Variants in MFGE8 observed in about 807,000 individuals in gnomAD.
The protein encoded by MFGE8 is lactadherin.
In MFGE8, 34 loss-of-function variants were observed where a neutral mutation model predicts 42.6. The ratio of observed to expected loss-of-function variants is 0.80; its 90% CI spans 0.61 to 1.06. MFGE8 has a LOEUF of 1.06. Ranked by LOEUF, MFGE8 falls within the 50% of genes least tolerant of loss-of-function variation. The pLI is 0.00. For synonymous variants in MFGE8, 230 were observed against 214.8 expected, an observed-to-expected ratio of 1.07 and a Z score of -0.62; for missense variants, 510 against 516.9, an observed-to-expected ratio of 0.99 and a Z score of 0.13.
rs1291867894 is a variant in MFGE8, at chr15:88,907,381, G to A, written c.206-5C>T. The A allele has an allele frequency of 2.5e-6, 4 of 1,613,990 alleles. No homozygotes were observed. The highest frequency in any genetic ancestry group is 3.4e-6 in the Non-Finnish European group (4 of 1,179,990). On this transcript the variant is annotated splice_polypyrimidine_tract_variant and splice_region_variant and intron_variant, in intron 2 of 7. Transcript: ENST00000268150. ...GGCCCAGTGGCTCGACACATTCTGA[G>A]GGAAGGGAGGTGGCAGTCAGGTGGC...
Position 88,903,786 on chromosome 15 carries a change from G to A in MFGE8, c.685+1971C>T, listed in dbSNP as rs35729705. On this transcript the variant is annotated intron_variant, in intron 5 of 7. Transcript: ENST00000268150. The surrounding 1 kb of genome is among the most constrained non-coding windows in gnomAD (Gnocchi z 4.9). ...ATTACAGGCGTGAGCCACCGCACCCGGCCTCAGTCTGCATTTCTAAGAAGC... is the reference window on the plus strand; with the variant it reads ...ATTACAGGCGTGAGCCACCGCACCCAGCCTCAGTCTGCATTTCTAAGAAGC... 0.23 allele frequency: 35,013 copies of A among 152,200 alleles called. 4,337 individuals are homozygous for A. The highest frequency in any genetic ancestry group is 0.28 in the Non-Finnish European group (18,810 of 68,064). The allele number at this position is 152,200 out of a possible 1,614,324, so 9.4% of individuals were successfully genotyped here.
chr15:88,912,537 C>G (rs34239095), intron 1 of MFGE8: 264,614 of 985,220 alleles, frequency 0.27, 36,885 homozygotes, highest in South Asian at 0.33. Context: ...GGGGCATCCG[C>G]AAGTCCAGCC....
In MFGE8 at chr15:88,901,689, C is replaced by A; in HGVS notation, c.732G>T (p.Lys244Asn). ...TGTAGCTGCTGGAGGCCGTGATCTG[C>A]TTGTCAGGGATGCTGTTATTCTTCA... is the stretch of plus-strand genomic sequence containing the variant. ...LGLKNNSIPD[K>N]QITASSSYKT... The change falls in exon 6 of 8, where the codon AAG becomes AAT. Residue 244 changes from lysine to asparagine, a missense_variant. Lys to Asn is a moderately conservative substitution (Grantham distance 94). Coordinates refer to ENST00000268150, the MANE Select transcript of MFGE8 (RefSeq NM_005928.4). 1 of 1,613,856 alleles carries A rather than the reference C, an allele frequency of 6.2e-7. No individual in the cohort carries two copies. Among genetic ancestry groups the A allele is most frequent in the African/African-American group, 1.3e-5 (1 of 74,958 alleles).
chr15:88,905,848 G>A lies in MFGE8; in HGVS notation c.594C>T (p.Thr198=), dbSNP rs1455781172. ...KNAVHVNLFE[T]PVEAQYVRLY... is the part of the protein sequence containing the mutation. ...ATCTCACGTACTGAGCCTCCACAGG[G>A]GTCTCAAACAGGTTGACATGCACCG... The change falls in exon 5 of 8, where the codon ACC becomes ACT. Residue 198 remains threonine, a synonymous_variant. Transcript: ENST00000268150. The surrounding 1 kb of genome is among the most constrained non-coding windows in gnomAD (Gnocchi z 6.6). 6 of 1,614,166 alleles carry A rather than the reference G, an allele frequency of 3.7e-6. No individual in the cohort carries two copies. The highest frequency in any genetic ancestry group is 1.7e-5 in the Admixed American group (1 of 60,024).
At position 88,906,580 on chromosome 15, in the gene MFGE8, G is replaced by C. The variant is rs892124518; in HGVS notation, c.540+46C>G. ...GTCCTCAGTCAATGCTAGAACCTTA[G>C]GGGGTATGGACCACAGCCCTTCTTT... On this transcript the variant is annotated intron_variant, in intron 4 of 7. Coordinates refer to ENST00000268150, the MANE Select transcript of MFGE8 (RefSeq NM_005928.4). This position sits in a 1 kb window ranked among gnomAD's most constrained non-coding sequence, Gnocchi z 4.2. 1 of 1,610,754 alleles carries C rather than the reference G, an allele frequency of 6.2e-7. No individual in the cohort carries two copies. The highest frequency in any genetic ancestry group is 1.3e-5 in the African/African-American group (1 of 74,848).
intron 6 of MFGE8, among the ~76,000 whole-genome samples, chr15:88,901,163 T>TCA: frequency 1.1e-5 from 1 of 89,180 alleles, no homozygotes; most frequent in Non-Finnish European, 2.4e-5. Context: ...ACACACACAT[T>TCA]CACACACATT....
At position 88,899,363 on chromosome 15, in the gene MFGE8, A is replaced by C; in HGVS notation, c.*32T>G. ...AGCCAAGAGGCAGCGGGCCCATGGA[A>C]AGCAGGAAGACCTGGGGGTGGCAGG... On this transcript the variant is annotated 3_prime_UTR_variant, in exon 8 of 8. Coordinates refer to ENST00000268150, the MANE Select transcript of MFGE8 (RefSeq NM_005928.4). The surrounding 1 kb of genome is among the most constrained non-coding windows in gnomAD (Gnocchi z 6.8). 6.2e-7 allele frequency: 1 copy of C among 1,613,254 alleles called. No individual in the cohort carries two copies. The highest frequency in any genetic ancestry group is 8.5e-7 in the Non-Finnish European group (1 of 1,179,888).
intron 1 of MFGE8, chr15:88,910,361 A>G: frequency 3.6e-6 from 1 of 281,598 alleles, no homozygotes; most frequent in East Asian, 8.9e-5. Context: ...CCCATTGAGC[A>G]GGTTCCGCCC....
intron 6 of MFGE8, chr15:88,900,813 C>T: frequency 1.1e-6 from 1 of 917,440 alleles, no homozygotes; most frequent in Non-Finnish European, 1.3e-6. Context: ...GACACTGAGT[C>T]AGAGAATATG....
intron 6 of MFGE8, among the ~76,000 whole-genome samples, chr15:88,900,989 TCA>T (rs59880395): frequency 3.8e-4 from 30 of 78,554 alleles, no homozygotes; most frequent in South Asian, 1.1e-3. Flanking sequence ...ACACACACAT[TCA>T]CACACACACA....
chr15:88,905,325 C>T lies in MFGE8; in HGVS notation c.685+432G>A. The stretch of plus-strand genomic sequence containing the variant: ...GCCCCACGCCCCTCATTCATTCATT[C>T]GCTCATTCATCAAATATTTATTGAG... On this transcript the variant is annotated intron_variant, in intron 5 of 7. Transcript: ENST00000268150. This position sits in a 1 kb window ranked among gnomAD's most constrained non-coding sequence, Gnocchi z 6.6. 5.4e-6 allele frequency: 2 copies of T among 368,658 alleles called. No individual in the cohort carries two copies. The highest frequency in any genetic ancestry group is 1.1e-5 in the Non-Finnish European group (2 of 187,850). The allele number at this position is 368,658 out of a possible 1,614,324, so 22.8% of individuals were successfully genotyped here.
intron 2 of MFGE8, among the ~76,000 whole-genome samples, chr15:88,907,625 C>G (rs1336522973): frequency 6.6e-6 from 1 of 151,666 alleles, no homozygotes; most frequent in Non-Finnish European, 1.5e-5. Context: ...TCACGGGAGG[C>G]TGGGACCCAG....
At chr15:88,900,993 A>ACACACATT (rs1226429233) in intron 6 of MFGE8, among the ~76,000 whole-genome samples, 3 of 125,022 alleles carry the variant, frequency 2.4e-5, no homozygotes, top group Non-Finnish European at 5.3e-5. Flanking sequence ...ACACATTCAC[A>ACACACATT]CACACACATT....
chr15:88,912,835 G>A, intron 1 of MFGE8: 14 of 985,446 alleles, frequency 1.4e-5, no homozygotes, highest in Non-Finnish European at 1.6e-5. Flanking sequence ...CAGGGAGATG[G>A]CCAGGACAAA....
At chr15:88,913,051 C>T in intron 1 of MFGE8, 196 bp downstream of exon 1, 1 of 985,324 alleles carries the variant, frequency 1.0e-6, no homozygotes, top group Non-Finnish European at 1.2e-6. Context: ...GCCCAAAAGC[C>T]CCAGCGCAGA....
intron 2 of MFGE8, 58 bp downstream of exon 2, chr15:88,909,734 G>C: frequency 6.2e-7 from 1 of 1,610,348 alleles, no homozygotes; most frequent in South Asian, 1.1e-5. Context: ...TATGCCACCA[G>C]GGCTGTGGCT....
At chr15:88,911,369 C>A (rs1050815911) in intron 1 of MFGE8, among the ~76,000 whole-genome samples, 11 of 152,128 alleles carry the variant, frequency 7.2e-5, no homozygotes, top group Non-Finnish European at 2.9e-5. Context: ...CATTAGCATC[C>A]CAGAAGGGCT....
At chr15:88,912,004 G>C (rs763276007) in intron 1 of MFGE8, 21 of 701,500 alleles carry the variant, frequency 3.0e-5, no homozygotes, top group Non-Finnish European at 3.9e-5. Context: ...ACAGAGGCTT[G>C]GGTTGGGAAT....
At chr15:88,911,480 T>C (rs1179252479) in intron 1 of MFGE8, among the ~76,000 whole-genome samples, 6 of 152,142 alleles carry the variant, frequency 3.9e-5, no homozygotes, top group Non-Finnish European at 5.9e-5. Flanking sequence ...CCCAGCACTT[T>C]GGGAGGCCGA....
Sources: allele counts gnomAD v4.1 joint callset (sites outside exome capture counted in the v4.1 genomes callset), GRCh38; gene constraint gnomAD v4.1.1; non-coding constraint Gnocchi (gnomAD v3.1); transcripts MANE v1.5; gene names NCBI Gene and HGNC (gene_info 2026-07-23, HGNC 2026-07-21).